Variants in ZNF275 observed in about 807,000 individuals in gnomAD.
ZNF275 encodes zinc finger protein 275.
Under a neutral mutation model 4.3 loss-of-function variants are expected in ZNF275, and 4 were observed. The observed-to-expected ratio is 0.93, with a 90% CI of 0.46 to 2.13. ZNF275 has a LOEUF of 2.13. Ranked by LOEUF, ZNF275 falls within the 30% of genes most tolerant of loss-of-function variation. ZNF275 has a pLI of 0.02. For missense variants in ZNF275, 352 were observed against 397.1 expected (o/e 0.89, Z 0.97); for synonymous variants, 173 against 166.9 (o/e 1.04, Z -0.28).
At position 153,347,291 on chromosome X, in the gene ZNF275, C is replaced by G; in HGVS notation, c.606C>G (p.Val202=). 1.7e-6 allele frequency: 2 copies of G among 1,211,804 alleles called. No homozygotes were observed. The highest frequency in any genetic ancestry group is 2.2e-6 in the Non-Finnish European group (2 of 895,431). The change falls in exon 4 of 4, where the codon GTC becomes GTG. Residue 202 remains valine, a synonymous_variant. Transcript: ENST00000650114. ...KNAGLSQHLR[V]HSREKPFDCE... is the part of the protein sequence containing the mutation. ...CAGGCCTGAGTCAGCATCTGAGGGT[C>G]CACAGCAGAGAGAAGCCCTTTGATT...
rs1045628852 is a variant in ZNF275 at position 153,349,202 on chromosome X, G to A, written c.*1227G>A. The A allele has an allele frequency of 8.1e-6, 1 of 123,703 alleles. No homozygotes were observed. Among genetic ancestry groups the A allele is most frequent in the African/African-American group, 3.2e-5 (1 of 30,894 alleles). The allele number at this position is 123,703 out of a possible 1,213,427, so 10.2% of individuals were successfully genotyped here. On this transcript the variant is annotated 3_prime_UTR_variant, in exon 4 of 4. Coordinates refer to ENST00000650114, the MANE Select transcript of ZNF275 (RefSeq NM_001367757.1). The stretch of plus-strand genomic sequence containing the variant: ...AGGGGTGATCACAGCACCTACCTCC[G>A]AAGGTTATCACGAGGACTGCCATCG...
rs1377985913 is a variant in ZNF275, at chrX:153,349,475, T to G, written c.*1500T>G. 8.1e-6 allele frequency: 1 copy of G among 124,185 alleles called. No individual in the cohort carries two copies. Among genetic ancestry groups the G allele is most frequent in the Non-Finnish European group, 1.9e-5 (1 of 53,436 alleles). 10.2% of individuals were successfully genotyped at this position (124,185 alleles called of 1,213,427 possible). The stretch of plus-strand genomic sequence containing the variant: ...TCCTTTGACTAGTTATCAACTTACC[T>G]TCGGATATATTAACTTTATGTAGCA... On this transcript the variant is annotated 3_prime_UTR_variant, in exon 4 of 4. Transcript: ENST00000650114.
Position 153,338,180 on chromosome X carries a change from G to T in ZNF275, c.31+1470G>T, listed in dbSNP as rs145444606. The stretch of plus-strand genomic sequence containing the variant: ...GTGCAACATGGACCCTAAATGATCC[G>T]ATTGTCTCTAGGATTGATGATAATT... On this transcript the variant is annotated intron_variant, in intron 2 of 3. Coordinates refer to ENST00000650114, the MANE Select transcript of ZNF275 (RefSeq NM_001367757.1). Among the ~76,000 whole-genome samples, 5 of 111,156 alleles carry T rather than the reference G, an allele frequency of 4.5e-5. No homozygotes were observed. The South Asian group carries it at 1.9e-3, about 43-fold the overall frequency.
rs782746219 is a variant in ZNF275 at position 153,351,260 on chromosome X, G to A, written c.*3285G>A. 3 of 123,744 alleles carry A rather than the reference G, an allele frequency of 2.4e-5. No individual in the cohort carries two copies. Among genetic ancestry groups the A allele is most frequent in the African/African-American group, 6.5e-5 (2 of 30,960 alleles). The allele number at this position is 123,744 out of a possible 1,213,427, so 10.2% of individuals were successfully genotyped here. ...TTTCAATGCAGTCTGTGGCTTTAACGTGTGTCCTGTAATTTCGCCAAGATC... is the reference window on the plus strand; with the variant it reads ...TTTCAATGCAGTCTGTGGCTTTAACATGTGTCCTGTAATTTCGCCAAGATC... On this transcript the variant is annotated 3_prime_UTR_variant, in exon 4 of 4. Coordinates refer to ENST00000650114, the MANE Select transcript of ZNF275 (RefSeq NM_001367757.1).
chrX:153,334,435 G>A (rs2088430388), intron 1 of ZNF275, 150 bp downstream of exon 1: 1 of 112,224 alleles, frequency 8.9e-6, no homozygotes, highest in Non-Finnish European at 1.9e-5. Context: ...CTGTGTGCGG[G>A]GCTGGAGCGA....
At chrX:153,345,927 T>C (rs1184380516) in intron 3 of ZNF275, among the ~76,000 whole-genome samples, 2 of 103,532 alleles carry the variant, frequency 1.9e-5, no homozygotes, top group African/African-American at 7.2e-5. Flanking sequence ...TGAGTTAGAG[T>C]TGGGGGGTTC....
intron 2 of ZNF275, among the ~76,000 whole-genome samples, chrX:153,342,931 G>A (rs2088488185): frequency 8.9e-6 from 1 of 112,608 alleles, no homozygotes; most frequent in African/African-American, 3.2e-5. Context: ...GCTGGCCTGT[G>A]TCTCCTCAAC....
At chrX:153,343,030 C>T (rs2088488913) in intron 2 of ZNF275, among the ~76,000 whole-genome samples, 1 of 112,528 alleles carries the variant, frequency 8.9e-6, no homozygotes, top group Non-Finnish European at 1.9e-5. Flanking sequence ...AGAGCTGGGG[C>T]AATGATAGGG....
Position 153,347,854 on chromosome X carries a change from C to G in ZNF275, c.1169C>G (p.Ser390Cys), listed in dbSNP as rs782365607. The G allele has an allele frequency of 5.8e-6, 7 of 1,206,226 alleles. No homozygotes were observed. In the African/African-American group the frequency reaches 1.0e-4, roughly 18 times the overall value. ...DKCGKAFRRSSGLSRHRRIHS... is the reference protein window; with the variant it reads ...DKCGKAFRRSCGLSRHRRIHS... The stretch of plus-strand genomic sequence containing the variant: ...TGCGGCAAGGCCTTCCGCCGGAGCT[C>G]CGGCCTCAGTCGCCACCGGCGGATC... Residue 390 changes from serine (S) to cysteine (C), a missense_variant, in exon 4 of 4, where the codon TCC becomes TGC. By Grantham distance (112) the Ser-to-Cys change is moderately radical (BLOSUM62 -1). Coordinates refer to ENST00000650114, the MANE Select transcript of ZNF275 (RefSeq NM_001367757.1).
intron 2 of ZNF275, among the ~76,000 whole-genome samples, chrX:153,342,452 A>G (rs1188271721): frequency 1.8e-5 from 2 of 112,159 alleles, no homozygotes; most frequent in East Asian, 5.5e-4. Flanking sequence ...TTGGCGTTTC[A>G]GTAACTTCTG....
At chrX:153,338,664 G>C (rs2088461673) in intron 2 of ZNF275, among the ~76,000 whole-genome samples, 1 of 7,604 alleles carries the variant, frequency 1.3e-4, no homozygotes, top group Non-Finnish European at 1.9e-4. Context: ...GGAGGACTGT[G>C]TGTGTGTGTG....
At chrX:153,336,249 G>A (rs1196961187) in intron 1 of ZNF275, among the ~76,000 whole-genome samples, 12 of 112,757 alleles carry the variant, frequency 1.1e-4, no homozygotes, top group African/African-American at 3.9e-4. Context: ...TACAGAAAAA[G>A]GCACACACAG....
chrX:153,343,046 G>A (rs185199964), intron 2 of ZNF275, among the ~76,000 whole-genome samples: 19 of 112,512 alleles, frequency 1.7e-4, no homozygotes, highest in Middle Eastern at 9.3e-3. Context: ...TAGGGCTCCC[G>A]TCATCTGTTT....
intron 2 of ZNF275, among the ~76,000 whole-genome samples, chrX:153,339,509 AT>A (rs112269405): frequency 1.1e-4 from 12 of 105,112 alleles, no homozygotes; most frequent in South Asian, 4.3e-4. Flanking sequence ...CATCTCTACA[AT>A]TTTTTTTTTA....
chrX:153,345,047 A>G (rs957934880), intron 2 of ZNF275: 5 of 204,085 alleles, frequency 2.4e-5, no homozygotes, highest in Non-Finnish European at 4.6e-5. Flanking sequence ...AAATTATGCA[A>G]ATTGCATGGC....
rs1426531788 is a variant in ZNF275 at position 153,334,189 on chromosome X, C to T, written c.-143C>T. The T allele has an allele frequency of 1.8e-5, 2 of 111,282 alleles. No homozygotes were observed. Among genetic ancestry groups the T allele is most frequent in the African/African-American group, 6.5e-5 (2 of 30,729 alleles). 9.2% of individuals were successfully genotyped at this position (111,282 alleles called of 1,213,427 possible). Reference sequence around the variant, plus strand: ...GCGGGGCTGTTAGCTCGGCTGGGCACGGGCGGCTCCGTGGCGCTTCCTGCC... The same window carrying T: ...GCGGGGCTGTTAGCTCGGCTGGGCATGGGCGGCTCCGTGGCGCTTCCTGCC... On this transcript the variant is annotated 5_prime_UTR_variant, in exon 1 of 4. The change creates a new upstream start codon in the 5' untranslated region. Coordinates refer to ENST00000650114, the MANE Select transcript of ZNF275 (RefSeq NM_001367757.1).
rs922941123 is a variant in ZNF275, at chrX:153,352,103, G to A, written c.*4128G>A. On this transcript the variant is annotated 3_prime_UTR_variant, in exon 4 of 4. Transcript: ENST00000650114. ...GGAGCAGCACAGTACTCAGAGGAGTGAGGAGCGTGGCGCCTGCTGGGAGGA... is the reference window on the plus strand; with the variant it reads ...GGAGCAGCACAGTACTCAGAGGAGTAAGGAGCGTGGCGCCTGCTGGGAGGA... 7 of 111,972 alleles carry A rather than the reference G, an allele frequency of 6.3e-5. No individual in the cohort carries two copies. Among genetic ancestry groups the A allele is most frequent in the Admixed American group, 9.5e-5 (1 of 10,547 alleles). 9.2% of individuals were successfully genotyped at this position (111,972 alleles called of 1,213,427 possible).
At chrX:153,346,146 T>G (rs782311840) in intron 3 of ZNF275, among the ~76,000 whole-genome samples, 2 of 105,316 alleles carry the variant, frequency 1.9e-5, no homozygotes, top group South Asian at 8.8e-4. Context: ...GCTGAGCTCT[T>G]GGGGTTGAGG....
Position 153,347,969 on chromosome X carries a change from C to T in ZNF275, c.1284C>T (p.His428=), listed in dbSNP as rs2088532183. The change falls in exon 4 of 4, where the codon CAC becomes CAT. Residue 428 remains histidine, a synonymous_variant. Coordinates refer to ENST00000650114, the MANE Select transcript of ZNF275 (RefSeq NM_001367757.1). ...SALQKHQPTH[H]E The stretch of plus-strand genomic sequence containing the variant: ...TGCAGAAGCATCAGCCAACCCACCA[C>T]GAGTAGAAACGCCCTGTGGTCCCGC... 9.0e-7 allele frequency: 1 copy of T among 1,115,395 alleles called. No homozygotes were observed. Among genetic ancestry groups the T allele is most frequent in the African/African-American group, 1.8e-5 (1 of 54,907 alleles). The allele number at this position is 1,115,395 out of a possible 1,213,427, so 91.9% of individuals were successfully genotyped here.
Sources: gnomAD v4.1 joint callset for allele counts (sites outside exome capture counted in the v4.1 genomes callset) on GRCh38, gnomAD v4.1.1 for gene constraint, MANE v1.5 for transcripts, NCBI Gene and HGNC (gene_info 2026-07-23, HGNC 2026-07-21) for gene names.